Variants in MGAT4C observed in about 807,000 individuals in gnomAD.
MGAT4C encodes MGAT4 family member C, also known as alpha-1,3-mannosyl-glycoprotein 4-beta-N-acetylglucosaminyltransferase C.
A neutral mutation model predicts 40.1 loss-of-function variants in MGAT4C; 19 were observed. The observed-to-expected ratio is 0.47, with a 90% CI of 0.33 to 0.70. MGAT4C has a LOEUF of 0.70. Among genes scored for constraint, MGAT4C ranks in the 30% least tolerant of loss-of-function variants. MGAT4C has a pLI of 0.02. For missense variants in MGAT4C, 491 were observed against 563.2 expected, an observed-to-expected ratio of 0.87 and a Z score of 1.30; for synonymous variants, 181 against 187.1, an observed-to-expected ratio of 0.97 and a Z score of 0.27.
intron 2 of MGAT4C, among the ~76,000 whole-genome samples, chr12:86,653,940 C>T (rs1429096837): frequency 7.9e-5 from 12 of 151,516 alleles, no homozygotes; most frequent in Non-Finnish European, 1.6e-4. Flanking sequence ...ATTGCAAGTG[C>T]TAATAAGAAA....
intron 2 of MGAT4C, among the ~76,000 whole-genome samples, chr12:86,477,987 T>C (rs1957869673): frequency 6.6e-6 from 1 of 152,164 alleles, no homozygotes; most frequent in African/African-American, 2.4e-5. Context: ...TAAGAGCATT[T>C]CATATTTTCT....
intron 3 of MGAT4C, among the ~76,000 whole-genome samples, chr12:86,417,863 A>G (rs746018710): frequency 2.0e-5 from 3 of 152,240 alleles, no homozygotes; most frequent in Non-Finnish European, 4.4e-5. Context: ...TATCTAATTT[A>G]ATTATCAAAA....
At chr12:86,305,969 T>G (rs1953925775) in intron 4 of MGAT4C, among the ~76,000 whole-genome samples, 1 of 150,552 alleles carries the variant, frequency 6.6e-6, no homozygotes, top group Non-Finnish European at 1.5e-5. Flanking sequence ...AAGAAATTGT[T>G]TTACTTTCAG....
chr12:86,274,483 A>G (rs921374660), intron 4 of MGAT4C, among the ~76,000 whole-genome samples: 1 of 152,174 alleles, frequency 6.6e-6, no homozygotes, highest in African/African-American at 2.4e-5. Flanking sequence ...ACAAGTCAAC[A>G]TAATGTAAAG....
intron 2 of MGAT4C, among the ~76,000 whole-genome samples, chr12:86,489,689 C>T (rs1450432240): frequency 2.6e-5 from 4 of 152,126 alleles, no homozygotes; most frequent in African/African-American, 7.2e-5. Context: ...TCATACACTC[C>T]CTCCTCCGAG....
chr12:86,768,398 C>T lies in MGAT4C; in HGVS notation c.-261-41157G>A, dbSNP rs538799847. 7.2e-5 allele frequency among the ~76,000 whole-genome samples: 11 copies of T among 152,216 alleles called. No homozygotes were observed. The South Asian group carries it at 1.9e-3, about 26-fold the overall frequency. On this transcript the variant is annotated intron_variant, in intron 1 of 7. Transcript: ENST00000548651. ...CAAACAAATGGAAGAACATTCCATGCTCATGGGTAGGAAGAATCAATATCG... is the reference window on the plus strand; with the variant it reads ...CAAACAAATGGAAGAACATTCCATGTTCATGGGTAGGAAGAATCAATATCG...
At chr12:86,612,397 G>A (rs2136476889) in intron 2 of MGAT4C, among the ~76,000 whole-genome samples, 1 of 152,024 alleles carries the variant, frequency 6.6e-6, no homozygotes, top group Admixed American at 6.5e-5. Context: ...TTATCACATA[G>A]ATTTTCAGGT....
chr12:86,748,749 G>T (rs1480722085), intron 1 of MGAT4C, among the ~76,000 whole-genome samples: 2 of 151,568 alleles, frequency 1.3e-5, no homozygotes, highest in Non-Finnish European at 3.0e-5. Context: ...TCTTGCTAGA[G>T]TTGGATTTTT....
At position 86,740,366 on chromosome 12, in the gene MGAT4C, G is replaced by C. The variant is rs192106700; in HGVS notation, c.-261-13125C>G. The stretch of plus-strand genomic sequence containing the variant: ...TGCTTTCTTTTGTAGATTTTGTTCA[G>C]TAGAAAATTTTAAAGCCAAATTGAA... On this transcript the variant is annotated intron_variant, in intron 1 of 7. Coordinates refer to the MGAT4C transcript ENST00000548651. Among the ~76,000 whole-genome samples, 6 of 151,088 alleles carry C rather than the reference G, an allele frequency of 4.0e-5. No individual in the cohort carries two copies. In the East Asian group the frequency reaches 1.2e-3, roughly 29 times the overall value.
chr12:86,681,866 G>A (rs1420457763), intron 2 of MGAT4C, among the ~76,000 whole-genome samples: 2 of 151,980 alleles, frequency 1.3e-5, no homozygotes, highest in African/African-American at 4.8e-5. Context: ...GAGATTTCTA[G>A]AACCTGGAAA....
chr12:86,488,624 A>AC (rs1259046000), intron 2 of MGAT4C, among the ~76,000 whole-genome samples: 1 of 151,932 alleles, frequency 6.6e-6, no homozygotes, highest in Non-Finnish European at 1.5e-5. Flanking sequence ...CAGTTCTCTG[A>AC]TTTTTCTCCC....
intron 2 of MGAT4C, among the ~76,000 whole-genome samples, chr12:86,671,005 C>A (rs969488356): frequency 6.6e-6 from 1 of 152,164 alleles, no homozygotes; most frequent in Non-Finnish European, 1.5e-5. Context: ...TCTATTTATA[C>A]CATTCTATTT....
chr12:86,261,972 G>A (rs1952667431), intron 4 of MGAT4C, among the ~76,000 whole-genome samples: 1 of 152,038 alleles, frequency 6.6e-6, no homozygotes, highest in African/African-American at 2.4e-5. Context: ...TTTGCAATCA[G>A]ATCTTGGCTA....
At chr12:86,504,283 C>A (rs1049300936) in intron 2 of MGAT4C, among the ~76,000 whole-genome samples, 2 of 152,050 alleles carry the variant, frequency 1.3e-5, no homozygotes, top group Non-Finnish European at 2.9e-5. Flanking sequence ...AAATTCCACA[C>A]CTGGGCATAT....
intron 2 of MGAT4C, among the ~76,000 whole-genome samples, chr12:85,998,514 T>C (rs373464075): frequency 5.5e-4 from 84 of 152,268 alleles, no homozygotes; most frequent in African/African-American, 2.0e-3. Flanking sequence ...CTGAATGCCT[T>C]TAACAGCACA....
intron 2 of MGAT4C, among the ~76,000 whole-genome samples, chr12:86,493,315 A>G (rs1958174590): frequency 6.6e-6 from 1 of 152,016 alleles, no homozygotes; most frequent in Admixed American, 6.5e-5. Context: ...CCAAAGGACT[A>G]TAAATCATGC....
At chr12:86,457,008 G>C (rs1957520846) in intron 2 of MGAT4C, among the ~76,000 whole-genome samples, 1 of 152,066 alleles carries the variant, frequency 6.6e-6, no homozygotes, top group East Asian at 1.9e-4. Context: ...GAATAATTGA[G>C]CTGAAATCTC....
chr12:86,302,626 A>G (rs887364140), intron 4 of MGAT4C, among the ~76,000 whole-genome samples: 1 of 150,548 alleles, frequency 6.6e-6, no homozygotes, highest in African/African-American at 2.5e-5. Context: ...ACAGGGTTTC[A>G]CCATGTTGCC....
chr12:86,531,769 C>A (rs1958989488), intron 2 of MGAT4C, among the ~76,000 whole-genome samples: 1 of 151,694 alleles, frequency 6.6e-6, no homozygotes, highest in Non-Finnish European at 1.5e-5. Context: ...TACTTTTCAT[C>A]ATTTAATATT....
Sources: gnomAD v4.1 joint callset for allele counts (sites outside exome capture counted in the v4.1 genomes callset) on GRCh38, gnomAD v4.1.1 for gene constraint, MANE v1.5 for transcripts, NCBI Gene and HGNC (gene_info 2026-07-23, HGNC 2026-07-21) for gene names.